Variants in MYO16 observed in about 807,000 individuals in gnomAD.
MYO16 encodes the protein unconventional myosin-XVI.
A neutral mutation model predicts 205.3 loss-of-function variants in MYO16; 94 were observed. The ratio of observed to expected loss-of-function variants is 0.46; its 90% CI spans 0.39 to 0.54. The LOEUF (loss-of-function observed/expected upper bound fraction) is 0.54. Ranked by LOEUF, MYO16 falls within the 20% of genes least tolerant of loss-of-function variation. MYO16 has a pLI of 0.00. For missense variants in MYO16, 2,315 were observed against 2,387.5 expected (o/e 0.97, Z 0.63); for synonymous variants, 988 against 954.0 (o/e 1.04, Z -0.66).
intron 2 of MYO16, among the ~76,000 whole-genome samples, chr13:108,686,446 C>T (rs1016074249): frequency 6.6e-6 from 1 of 152,076 alleles, no homozygotes; most frequent in Non-Finnish European, 1.5e-5. Context: ...GAACTGAGAT[C>T]CAGGTAGGAA....
intron 16 of MYO16, among the ~76,000 whole-genome samples, chr13:108,919,530 T>C (rs1881649342): frequency 1.2e-5 from 1 of 81,644 alleles, no homozygotes; most frequent in South Asian, 5.9e-4. Flanking sequence ...AGGGGTGGAG[T>C]TGGTTATCAT....
chr13:108,566,021 G>A, the MYO16 span, among the ~76,000 whole-genome samples: 1 of 150,898 alleles, frequency 6.6e-6, no homozygotes, highest in Non-Finnish European at 1.5e-5. Flanking sequence ...GACTAGTTTT[G>A]TTATCAGAGT....
intron 16 of MYO16, among the ~76,000 whole-genome samples, chr13:108,939,021 T>C (rs1423010847): frequency 6.6e-6 from 1 of 152,228 alleles, no homozygotes; most frequent in Non-Finnish European, 1.5e-5. Flanking sequence ...ACAAAGCATC[T>C]ACTGCTGAGG....
At position 109,141,272 on chromosome 13, in the gene MYO16, C is replaced by G; in HGVS notation, c.5060C>G (p.Ser1687Cys). 6.2e-7 allele frequency: 1 copy of G among 1,602,490 alleles called. No homozygotes were observed. The highest frequency in any genetic ancestry group is 1.1e-5 in the South Asian group (1 of 90,156). The change falls in exon 32 of 35, where the codon TCC (serine) becomes TGC (cysteine). Residue 1687 changes from serine (S) to cysteine (C), a missense_variant. By Grantham distance (112) the Ser-to-Cys change is moderately radical. Around this residue, in one of 3 missense-constraint regions of MYO16, gnomAD observed 1,097 missense variants for 1,092.0 expected, o/e 1.00. Transcript: ENST00000457511. This position sits in a 1 kb window ranked among gnomAD's most constrained non-coding sequence, Gnocchi z 4.1. ...CCCGCGCCCTACAGCCCTCCCAGCT[C>G]CAGGCCTCTCAGCAGCCCCCTGGAC... is the stretch of plus-strand genomic sequence containing the variant. ...SPPAPYSPPS[S>C]RPLSSPLDEL... is the part of the protein sequence containing the mutation.
intron 1 of MYO16, among the ~76,000 whole-genome samples, chr13:108,634,863 A>G (rs1354688653): frequency 6.6e-6 from 1 of 152,086 alleles, no homozygotes; most frequent in Non-Finnish European, 1.5e-5. Context: ...TCATGGCTTT[A>G]AGCATCATCT....
chr13:108,532,527 C>A, the MYO16 span, among the ~76,000 whole-genome samples: 405 of 151,706 alleles, frequency 2.7e-3, 3 homozygotes, highest in African/African-American at 9.0e-3. Flanking sequence ...GGTGTCATGG[C>A]TCATGCCTGT....
intron 1 of MYO16, among the ~76,000 whole-genome samples, chr13:108,645,480 G>C (rs137949630): frequency 6.6e-6 from 1 of 152,214 alleles, no homozygotes; most frequent in African/African-American, 2.4e-5. Context: ...AACATTCAGA[G>C]AACTCAAACT....
intron 34 of MYO16, among the ~76,000 whole-genome samples, chr13:109,201,739 A>G (rs956650827): frequency 6.6e-6 from 1 of 151,978 alleles, no homozygotes; most frequent in African/African-American, 2.4e-5. Flanking sequence ...GTAGTCTTTT[A>G]TCCATCATGC....
chr13:108,693,302 T>A (rs1207566303), intron 2 of MYO16, among the ~76,000 whole-genome samples: 1 of 152,166 alleles, frequency 6.6e-6, no homozygotes, highest in East Asian at 1.9e-4. Flanking sequence ...ACATGGAGAA[T>A]GTTGTGCGTC....
At chr13:108,813,066 T>A (rs766212688) in intron 7 of MYO16, among the ~76,000 whole-genome samples, 5 of 152,026 alleles carry the variant, frequency 3.3e-5, no homozygotes. Flanking sequence ...AAAAGGAGAC[T>A]GAGGAGGGGT....
intron 28 of MYO16, among the ~76,000 whole-genome samples, chr13:109,111,622 G>A (rs1170730364): frequency 6.6e-6 from 1 of 151,986 alleles, no homozygotes; most frequent in Non-Finnish European, 1.5e-5. Flanking sequence ...AAAGAAGCTA[G>A]CATTCACAGT....
chr13:108,786,051 G>A (rs1179703636), intron 5 of MYO16, among the ~76,000 whole-genome samples: 1 of 152,220 alleles, frequency 6.6e-6, no homozygotes, highest in Admixed American at 6.5e-5. Flanking sequence ...TCCCCTGGGA[G>A]GGGAAGGGAA....
intron 16 of MYO16, among the ~76,000 whole-genome samples, chr13:108,914,746 G>T (rs557959850): frequency 6.6e-6 from 1 of 152,120 alleles, no homozygotes; most frequent in South Asian, 2.1e-4. Context: ...TGGCTCAAGC[G>T]ATTCTCCTGT....
At chr13:109,137,635 A>C (rs1342610856) in intron 31 of MYO16, among the ~76,000 whole-genome samples, 1 of 152,220 alleles carries the variant, frequency 6.6e-6, no homozygotes, top group African/African-American at 2.4e-5. Flanking sequence ...TGACTTAGAA[A>C]GATGTCCATT....
intron 1 of MYO16, among the ~76,000 whole-genome samples, chr13:108,645,310 G>A (rs371384692): frequency 6.6e-5 from 10 of 152,210 alleles, no homozygotes; most frequent in East Asian, 3.9e-4. Flanking sequence ...CATAAAAGAC[G>A]GTCATAAATG....
rs537246487 is a variant in MYO16, at chr13:108,747,276, G to A, written c.507+19693G>A. Among the ~76,000 whole-genome samples, 50 of 151,770 alleles carry A rather than the reference G, an allele frequency of 3.3e-4. 1 individual carries two copies. Among genetic ancestry groups the A allele is most frequent in the Admixed American group, 5.9e-4 (9 of 15,170 alleles). Reference sequence around the variant, plus strand: ...ACAAAATTAACTCCACATGACTTTCGTTTTTCTTATTCGAAATTCATCTAA... The same window carrying A: ...ACAAAATTAACTCCACATGACTTTCATTTTTCTTATTCGAAATTCATCTAA... On this transcript the variant is annotated intron_variant, in intron 4 of 34. Transcript: ENST00000457511.
At chr13:109,099,227 T>G (rs1308890572) in intron 27 of MYO16, among the ~76,000 whole-genome samples, 1 of 152,224 alleles carries the variant, frequency 6.6e-6, no homozygotes, top group Admixed American at 6.5e-5. Flanking sequence ...TGTGACCCAT[T>G]TGGAACCCAA....
chr13:108,848,399 C>G (rs759221492), intron 10 of MYO16, among the ~76,000 whole-genome samples: 2 of 152,196 alleles, frequency 1.3e-5, no homozygotes, highest in Non-Finnish European at 2.9e-5. Context: ...CGTTCACCTG[C>G]ACTATCTTAA....
chr13:108,687,522 G>T (rs2139484830), intron 2 of MYO16, among the ~76,000 whole-genome samples: 1 of 125,254 alleles, frequency 8.0e-6, no homozygotes, highest in Admixed American at 8.6e-5. Context: ...AGCTTCCTGG[G>T]TTCTGCTCTG....
Sources: gnomAD v4.1 joint callset for allele counts (sites outside exome capture counted in the v4.1 genomes callset) on GRCh38, gnomAD v4.1.1 for gene constraint, gnomAD v4.1.1 regional missense constraint, Gnocchi (gnomAD v3.1) non-coding constraint, MANE v1.5 for transcripts, NCBI Gene and HGNC (gene_info 2026-07-23, HGNC 2026-07-21) for gene names.